USP36: variants seen among roughly 807,000 people sequenced by gnomAD.
The protein encoded by USP36 is ubiquitin specific peptidase 36, also known as ubiquitin carboxyl-terminal hydrolase 36.
USP36 carries 59 observed loss-of-function variants against 111.5 expected under a neutral mutation model. The ratio of observed to expected loss-of-function variants is 0.53; its 90% CI spans 0.43 to 0.66. USP36 has a LOEUF of 0.66. USP36 is among the 30% of genes least tolerant of loss of function. The probability of loss-of-function intolerance (pLI) is 0.00; values close to 1 mark genes in which losing one functional copy is unlikely to be tolerated. For synonymous variants in USP36, 628 were observed against 581.0 expected (o/e 1.08, Z -1.16); for missense variants, 1,488 against 1,468.0 (o/e 1.01, Z -0.22).
chr17:78,814,066 C>T (rs955531851), intron 11 of USP36, among the ~76,000 whole-genome samples, 193 bp from the exon 12 acceptor site: 4 of 152,136 alleles, frequency 2.6e-5, no homozygotes, highest in African/African-American at 9.7e-5. Flanking sequence ...GTGTGCTCTG[C>T]GTCCCAGTTC....
At chr17:78,821,904 G>T (rs2094339562) in intron 7 of USP36, 33 bp downstream of exon 7, 4 of 1,611,592 alleles carry the variant, frequency 2.5e-6, no homozygotes, top group Non-Finnish European at 3.4e-6. Context: ...TCTAATCCTG[G>T]CAAGAAGCAG....
At chr17:78,789,591 T>C (rs2093565643) in intron 3 of USP36, among the ~76,000 whole-genome samples, 1 of 152,194 alleles carries the variant, frequency 6.6e-6, no homozygotes. Flanking sequence ...ATTGGGGCAT[T>C]GTCTTGCTTT....
At chr17:78,802,678 C>A (rs1056743887) in intron 16 of USP36, 143 bp from the exon 17 acceptor site, 4 of 796,758 alleles carry the variant, frequency 5.0e-6, no homozygotes, top group Non-Finnish European at 7.8e-6. Context: ...TTCTTCCCCC[C>A]ACACGCATTA....
chr17:78,836,309 C>T lies in USP36; in HGVS notation c.55G>A (p.Ala19Thr). 2 of 1,614,216 alleles carry T rather than the reference C, an allele frequency of 1.2e-6. No individual in the cohort carries two copies. The highest frequency in any genetic ancestry group is 1.1e-5 in the South Asian group (1 of 91,082). ...EALKPGRKDS[A>T]DDGELGKLLA... ...AGCTTCCCCAGTTCTCCATCATCAG[C>T]CGAGTCCTTGCGGCCGGGTTTCAGG... Residue 19 changes from alanine to threonine, a missense_variant, in exon 3 of 21, where the codon GCT becomes ACT. Around this residue, in one of 3 missense-constraint regions of USP36, gnomAD observed 219 missense variants for 209.5 expected, o/e 1.05. Transcript: ENST00000449938.
chr17:78,830,661 G>A lies in USP36; in HGVS notation c.476-1654C>T, dbSNP rs150656248. ...AAAACTCAACCCAAATCATTTCCCC[G>A]CAATATCTCCAACTCCTTAGACTTC... is the stretch of plus-strand genomic sequence containing the variant. On this transcript the variant is annotated intron_variant, in intron 4 of 20. Coordinates refer to ENST00000449938, the MANE Select transcript of USP36 (RefSeq NM_001385174.1). Among the ~76,000 whole-genome samples, 517 of 152,102 alleles carry A rather than the reference G, an allele frequency of 3.4e-3. 2 individuals are homozygous for A. The highest frequency in any genetic ancestry group is 0.011 in the African/African-American group (465 of 41,480).
intron 1 of USP36, 52 bp downstream of exon 1, chr17:78,840,684 C>T (rs1421156189): frequency 3.3e-5 from 5 of 152,892 alleles, no homozygotes; most frequent in African/African-American, 9.7e-5. Context: ...GAACCCCCCG[C>T]CCCGGTCTCG....
chr17:78,787,414 A>G (rs1229922463), exon 4 of USP36: 2 of 152,238 alleles, frequency 1.3e-5, no homozygotes, highest in Admixed American at 1.3e-4. Context: ...TGTATTACCA[A>G]CAGAAGACAA....
rs1322011492 is a variant in USP36 at position 78,801,581 on chromosome 17, CAGCCCT to C, written c.3022+737_3022+742del. 1.7e-3 allele frequency among the ~76,000 whole-genome samples: 257 copies of C among 152,246 alleles called. 1 individual carries two copies. Among genetic ancestry groups the C allele is most frequent in the African/African-American group, 5.6e-3 (233 of 41,538 alleles). On this transcript the variant is annotated intron_variant, in intron 17 of 20. Transcript: ENST00000449938. ...GGTGCCTGCCAAGGCATGCCCCAGC[CAGCCCT>C]AAAGAAAACAAAACACCCTCCGATT...
rs779925543 is a variant in USP36, at chr17:78,836,183, C to A, written c.181G>T (p.Val61Leu). 2 of 1,614,158 alleles carry A rather than the reference C, an allele frequency of 1.2e-6. No individual in the cohort carries two copies. Among genetic ancestry groups the A allele is most frequent in the Non-Finnish European group, 1.7e-6 (2 of 1,180,044 alleles). Reference protein sequence around the residue: ...YQLEALKSKYVLLNPKTEGAS... With the variant: ...YQLEALKSKYLLLNPKTEGAS... ...CCCTCTGTTTTGGGGTTGAGCAACA[C>A]ATATTTGCTCTTTAAGGCCTCCAGC... The change falls in exon 3 of 21, where the codon GTG becomes TTG. Residue 61 changes from valine (V) to leucine (L), a missense_variant. Physicochemically the swap from Val to Leu is conservative, Grantham distance 32. Around this residue, in one of 3 missense-constraint regions of USP36, gnomAD observed 219 missense variants for 209.5 expected, o/e 1.05. Coordinates refer to ENST00000449938, the MANE Select transcript of USP36 (RefSeq NM_001385174.1).
chr17:78,821,000 C>T lies in USP36; in HGVS notation c.819G>A (p.Leu273=), dbSNP rs1171712804. 2 of 1,608,650 alleles carry T rather than the reference C, an allele frequency of 1.2e-6. No homozygotes were observed. Among genetic ancestry groups the T allele is most frequent in the African/African-American group, 1.3e-5 (1 of 74,818 alleles). The change falls in exon 8 of 21, where the codon CTG becomes CTA. Residue 273 remains leucine (L), a synonymous_variant. Transcript: ENST00000449938. The stretch of plus-strand genomic sequence containing the variant: ...CAGGACAGATCTGTACCCGGATCTC[C>T]AGCGCGACGTCCAAGTAGGGGTCGT... The part of the protein sequence containing the change: ...DTYDPYLDVA[L]EIRQAANIVR...
rs1404074757 is a variant in USP36, at chr17:78,807,026, G to A, written c.2018C>T (p.Thr673Ile). The change falls in exon 14 of 21, where the codon ACC (threonine) becomes ATC (isoleucine). Residue 673 changes from threonine (T) to isoleucine (I), a missense_variant. This residue lies in a region of USP36 where 1,073 missense variants were observed against 994.1 expected (regional missense o/e 1.08). Transcript: ENST00000449938. ...CATGGTGCTTGCAGGCTCAGTGGTG[G>A]TGTTGCTCAGGACAGGGGACTTCAG... is the stretch of plus-strand genomic sequence containing the variant. ...VKLKSPVLSN[T>I]TTEPASTMSP... The A allele has an allele frequency of 6.2e-7, 1 of 1,614,116 alleles. No individual in the cohort carries two copies. The highest frequency in any genetic ancestry group is 1.7e-5 in the Admixed American group (1 of 60,004).
intron 2 of USP36, among the ~76,000 whole-genome samples, chr17:78,838,380 A>G (rs556963896): frequency 4.6e-5 from 7 of 151,270 alleles, no homozygotes; most frequent in Non-Finnish European, 7.4e-5. Flanking sequence ...TCAAAAAAAA[A>G]AAAAAACAAA....
chr17:78,837,804 C>T (rs1321622276), intron 2 of USP36, among the ~76,000 whole-genome samples: 1 of 152,198 alleles, frequency 6.6e-6, no homozygotes, highest in Non-Finnish European at 1.5e-5. Context: ...CAAGTGTGCC[C>T]CAAAATTCTG....
At chr17:78,800,019 T>G (rs2144940000) in intron 17 of USP36, among the ~76,000 whole-genome samples, 1 of 151,396 alleles carries the variant, frequency 6.6e-6, no homozygotes, top group East Asian at 1.9e-4. Context: ...GCCTAAATGC[T>G]TATTTACTAA....
rs141395272 is a variant in USP36, at chr17:78,825,934, C to T, written c.689+1311G>A. 5.3e-5 allele frequency among the ~76,000 whole-genome samples: 8 copies of T among 152,310 alleles called. No individual in the cohort carries two copies. The East Asian group carries it at 1.5e-3, about 29-fold the overall frequency. On this transcript the variant is annotated intron_variant, in intron 6 of 20. Transcript: ENST00000449938. The stretch of plus-strand genomic sequence containing the variant: ...TATCCCTCTATCACAGCATTGGCCA[C>T]ACCACATTGCAAACGCTGCTGGGGT...
Position 78,821,160 on chromosome 17 carries a change from C to A in USP36, c.758-99G>T. On this transcript the variant is annotated intron_variant, in intron 7 of 20. Transcript: ENST00000449938. ...GCAGGGAGGCAGACTCTCAGCAGGG[C>A]TTTGGCCAAAGATGAGATTCCCACT... 4 of 1,213,606 alleles carry A rather than the reference C, an allele frequency of 3.3e-6. No homozygotes were observed. The South Asian group carries it at 4.3e-5, about 13-fold the overall frequency. 75.2% of individuals were successfully genotyped at this position (1,213,606 alleles called of 1,614,324 possible).
chr17:78,798,313 C>T lies in USP36; in HGVS notation c.*20+87G>A, dbSNP rs1194527316. On this transcript the variant is annotated intron_variant, in intron 20 of 20. Transcript: ENST00000449938. This position sits in a 1 kb window ranked among gnomAD's most constrained non-coding sequence, Gnocchi z 5.1. Reference sequence around the variant, plus strand: ...ATACACAGCCCACATACATCATACACACACGCCACACCCCACCACACCCCT... The same window carrying T: ...ATACACAGCCCACATACATCATACATACACGCCACACCCCACCACACCCCT... The T allele has an allele frequency of 2.5e-5, 39 of 1,530,308 alleles. No individual in the cohort carries two copies. The highest frequency in any genetic ancestry group is 9.3e-5 in the Admixed American group (5 of 53,722). The allele number at this position is 1,530,308 out of a possible 1,614,324, so 94.8% of individuals were successfully genotyped here.
chr17:78,812,770 C>T, intron 13 of USP36, 90 bp downstream of exon 13: 2 of 1,404,054 alleles, frequency 1.4e-6, no homozygotes, highest in Non-Finnish European at 2.0e-6. Context: ...CCTGCAAATT[C>T]CTTCCACTGT....
In USP36 at chr17:78,834,995, T is replaced by TTG. The variant is rs1359398500; in HGVS notation, c.475+283_475+284dup. 3.0e-4 allele frequency among the ~76,000 whole-genome samples: 20 copies of TTG among 65,752 alleles called. 3 individuals are homozygous for TTG. Among genetic ancestry groups the TTG allele is most frequent in the African/African-American group, 1.3e-3 (10 of 7,620 alleles). The allele number at this position is 65,752 out of a possible 152,430, so 43.1% of individuals were successfully genotyped here. A position where few individuals can be genotyped will look rare whatever the true frequency, so the allele number is the denominator to read the frequency against. ...GATACTGTCTCTAAAAAAATAATAT[T>TTG]TGTATATATATATATATATATATTT... On this transcript the variant is annotated intron_variant, in intron 4 of 20. Coordinates refer to ENST00000449938, the MANE Select transcript of USP36 (RefSeq NM_001385174.1).
Sources: allele counts gnomAD v4.1 joint callset (sites outside exome capture counted in the v4.1 genomes callset), GRCh38; gene constraint gnomAD v4.1.1; regional missense constraint gnomAD v4.1.1; non-coding constraint Gnocchi (gnomAD v3.1); transcripts MANE v1.5; gene names NCBI Gene and HGNC (gene_info 2026-07-23, HGNC 2026-07-21).